The following GSG1L variants were observed in gnomAD, a reference collection of about 807,000 sequenced individuals.
GSG1L encodes the protein GSG1 like.
In GSG1L, 24 loss-of-function variants were observed where a neutral mutation model predicts 42.1. The observed-to-expected ratio is 0.57, with a 90% CI of 0.41 to 0.80. The LOEUF is 0.80. Ranked by LOEUF, GSG1L falls within the 30% of genes least tolerant of loss-of-function variation. The pLI is 0.00. For missense variants in GSG1L, 445 were observed against 472.2 expected, an observed-to-expected ratio of 0.94 and a Z score of 0.53; for synonymous variants, 215 against 203.5, an observed-to-expected ratio of 1.06 and a Z score of -0.48.
chr16:27,847,649 G>T (rs1327250381), intron 3 of GSG1L, among the ~76,000 whole-genome samples: 1 of 152,238 alleles, frequency 6.6e-6, no homozygotes, highest in Admixed American at 6.5e-5. Context: ...GTAATCCCCA[G>T]TGTTGGAGAA....
intron 6 of GSG1L, among the ~76,000 whole-genome samples, chr16:27,802,004 G>A (rs2082888104): frequency 6.6e-6 from 1 of 152,094 alleles, no homozygotes; most frequent in African/African-American, 2.4e-5. Flanking sequence ...CATCATGATA[G>A]CCCTGGAGGT....
intron 1 of GSG1L, among the ~76,000 whole-genome samples, chr16:28,061,480 A>T (rs1228422997): frequency 6.6e-6 from 1 of 152,186 alleles, no homozygotes; most frequent in Non-Finnish European, 1.5e-5. Context: ...AGCCACCCCC[A>T]GAAGAGAGAC....
Position 27,884,787 on chromosome 16 carries a change from G to A in GSG1L, c.398-149C>T, listed in dbSNP as rs2084008709. 1.3e-6 allele frequency: 1 copy of A among 750,462 alleles called. No individual in the cohort carries two copies. The highest frequency in any genetic ancestry group is 2.2e-5 in the South Asian group (1 of 45,442). The allele number at this position is 750,462 out of a possible 1,614,324, so 46.5% of individuals were successfully genotyped here. ...GGAGGTCCTGATGGAAGCCTGTCAT[G>A]GCCGTCCCATCCTTGTCTGCAGGGG... is the stretch of plus-strand genomic sequence containing the variant. On this transcript the variant is annotated intron_variant, in intron 2 of 6. Coordinates refer to ENST00000447459, the MANE Select transcript of GSG1L (RefSeq NM_001109763.2). This position sits in a 1 kb window ranked among gnomAD's most constrained non-coding sequence, Gnocchi z 4.4.
Position 28,031,730 on chromosome 16 carries a change from G to A in GSG1L, c.349+31346C>T, listed in dbSNP as rs140624470. Among the ~76,000 whole-genome samples the A allele has an allele frequency of 4.6e-3, 698 of 152,254 alleles. 9 individuals are homozygous for A. Among genetic ancestry groups the A allele is most frequent in the African/African-American group, 0.016 (648 of 41,536 alleles). On this transcript the variant is annotated intron_variant, in intron 1 of 6. Transcript: ENST00000447459. ...GGCTCAGTTCTGACCCCAGCACACG[G>A]ATAACCCTCCATAAACATCTGTTAG...
intron 2 of GSG1L, among the ~76,000 whole-genome samples, chr16:27,909,239 C>G (rs1408134243): frequency 2.0e-5 from 3 of 152,148 alleles, no homozygotes. Context: ...CCTTGTGAGA[C>G]TTTGGGCCCC....
At chr16:27,925,183 G>C (rs1350939574) in intron 2 of GSG1L, among the ~76,000 whole-genome samples, 4 of 152,164 alleles carry the variant, frequency 2.6e-5, no homozygotes, top group African/African-American at 9.7e-5. Flanking sequence ...ATCCAACTTG[G>C]AGGACCAATT....
chr16:27,991,343 T>G (rs1441160484), intron 1 of GSG1L, among the ~76,000 whole-genome samples: 1 of 152,176 alleles, frequency 6.6e-6, no homozygotes, highest in Non-Finnish European at 1.5e-5. Flanking sequence ...TTTTGTTTTT[T>G]TTTCATTCTG....
At chr16:28,062,471 C>A (rs771994425) in intron 1 of GSG1L, among the ~76,000 whole-genome samples, 1 of 152,194 alleles carries the variant, frequency 6.6e-6, no homozygotes, top group Non-Finnish European at 1.5e-5. Context: ...GGCTCCCTGG[C>A]GTCTGGCAAT....
intron 1 of GSG1L, among the ~76,000 whole-genome samples, chr16:28,056,045 T>C (rs971734337): frequency 6.6e-6 from 1 of 151,452 alleles, no homozygotes; most frequent in Admixed American, 6.6e-5. Context: ...AGGCACGGAG[T>C]AGAGAGCCCC....
intron 1 of GSG1L, among the ~76,000 whole-genome samples, chr16:28,001,397 G>A (rs576903229): frequency 1.3e-5 from 2 of 152,366 alleles, no homozygotes; most frequent in Admixed American, 1.3e-4. Flanking sequence ...GTATGCACAA[G>A]ACACACAGTG....
intron 1 of GSG1L, among the ~76,000 whole-genome samples, chr16:27,983,341 AT>A (rs757919233): frequency 6.6e-6 from 1 of 152,138 alleles, no homozygotes; most frequent in Non-Finnish European, 1.5e-5. Context: ...TCTCAAAAAA[AT>A]AATAATAAAA....
chr16:27,930,580 G>T (rs1358543416), intron 2 of GSG1L, among the ~76,000 whole-genome samples: 1 of 152,212 alleles, frequency 6.6e-6, no homozygotes, highest in African/African-American at 2.4e-5. Flanking sequence ...GTGCACTGAT[G>T]GAAGGAATGG....
intron 2 of GSG1L, among the ~76,000 whole-genome samples, chr16:27,889,926 C>T (rs930999153): frequency 2.6e-5 from 4 of 152,196 alleles, no homozygotes; most frequent in Non-Finnish European, 5.9e-5. Context: ...CAACGTATCA[C>T]CCGTTTTGCA....
chr16:27,865,570 T>TAC (rs2083710830), intron 3 of GSG1L, among the ~76,000 whole-genome samples: 6 of 12,510 alleles, frequency 4.8e-4, no homozygotes, highest in Middle Eastern at 0.036. Flanking sequence ...TATATATATA[T>TAC]ATACACACAC....
chr16:27,986,225 C>T (rs78323366), intron 1 of GSG1L, among the ~76,000 whole-genome samples: 3,763 of 152,154 alleles, frequency 0.025, 84 homozygotes, highest in Admixed American at 0.04. Flanking sequence ...TCTGGCCAGG[C>T]GCAATGGCTC....
intron 4 of GSG1L, among the ~76,000 whole-genome samples, chr16:27,829,856 T>C (rs1258477221): frequency 2.0e-5 from 3 of 152,180 alleles, no homozygotes; most frequent in Non-Finnish European, 4.4e-5. Flanking sequence ...ATTATTATCA[T>C]TAATATTAAC....
chr16:28,039,690 C>T (rs570075150), intron 1 of GSG1L, among the ~76,000 whole-genome samples: 103 of 151,498 alleles, frequency 6.8e-4, no homozygotes, highest in South Asian at 4.4e-3. Flanking sequence ...CACATGCACG[C>T]GCACTACACA....
intron 1 of GSG1L, among the ~76,000 whole-genome samples, chr16:27,992,878 C>T (rs1373130859): frequency 2.6e-5 from 4 of 152,156 alleles, no homozygotes; most frequent in Admixed American, 2.0e-4. Flanking sequence ...AGTTAGGACC[C>T]ACATCCTCCA....
chr16:27,925,340 G>A (rs989865528), intron 2 of GSG1L, among the ~76,000 whole-genome samples: 3 of 152,192 alleles, frequency 2.0e-5, no homozygotes, highest in East Asian at 1.9e-4. Flanking sequence ...AAGTTGTGGG[G>A]CATTTTCCAG....
Sources: gnomAD v4.1 joint callset for allele counts (sites outside exome capture counted in the v4.1 genomes callset) on GRCh38, gnomAD v4.1.1 for gene constraint, Gnocchi (gnomAD v3.1) non-coding constraint, MANE v1.5 for transcripts, NCBI Gene and HGNC (gene_info 2026-07-23, HGNC 2026-07-21) for gene names.